The following PRIM2 variants were observed in gnomAD, a reference collection of about 807,000 sequenced individuals.
PRIM2 encodes DNA primase subunit 2.
A neutral mutation model predicts 67.3 loss-of-function variants in PRIM2; 39 were observed. That is an observed-to-expected ratio of 0.58 (90% CI 0.45 to 0.76). The LOEUF is 0.76. PRIM2 is among the 30% of genes least tolerant of loss of function. The pLI is 0.00. For missense variants in PRIM2, 398 were observed against 598.7 expected (o/e 0.66, Z 3.50); for synonymous variants, 143 against 198.7 (o/e 0.72, Z 2.36).
the PRIM2 span, among the ~76,000 whole-genome samples, chr6:57,282,554 C>T: frequency 5.9e-5 from 9 of 152,156 alleles, no homozygotes; most frequent in Non-Finnish European, 1.3e-4. Context: ...ATGTTGAATT[C>T]CTAACTCCCA....
chr6:57,395,298 T>C (rs1385938141), intron 7 of PRIM2, among the ~76,000 whole-genome samples: 1 of 152,204 alleles, frequency 6.6e-6, no homozygotes, highest in Non-Finnish European at 1.5e-5. Context: ...TCCTGGACTT[T>C]TTGTTGTTGG....
chr6:57,633,715 G>A (rs1413118593), intron 13 of PRIM2, among the ~76,000 whole-genome samples: 14 of 152,212 alleles, frequency 9.2e-5, no homozygotes, highest in African/African-American at 2.2e-4. Flanking sequence ...CGAGAAGCAC[G>A]CAACCTAGAT....
At chr6:57,331,153 A>C (rs1768045398) in intron 5 of PRIM2, among the ~76,000 whole-genome samples, 1 of 150,740 alleles carries the variant, frequency 6.6e-6, no homozygotes, top group Non-Finnish European at 1.5e-5. Context: ...GTACCACTGC[A>C]CTCCAGCTTG....
intron 10 of PRIM2, among the ~76,000 whole-genome samples, chr6:57,539,566 T>TTGTGTGTG (rs1175516387): frequency 2.0e-5 from 3 of 147,460 alleles, no homozygotes; most frequent in Non-Finnish European, 4.5e-5. Context: ...ATTATATTCT[T>TTGTGTGTG]TGTGTGTGTG....
At chr6:57,266,770 CT>C in the PRIM2 span, among the ~76,000 whole-genome samples, 1 of 152,148 alleles carries the variant, frequency 6.6e-6, no homozygotes, top group Non-Finnish European at 1.5e-5. Context: ...TAGTTCAAAG[CT>C]TTCTCTTTAA....
intron 12 of PRIM2, among the ~76,000 whole-genome samples, chr6:57,619,269 G>T (rs1776809296): frequency 6.6e-6 from 1 of 152,108 alleles, no homozygotes; most frequent in African/African-American, 2.4e-5. Context: ...CTGAACAACA[G>T]CATTCAGCCC....
At chr6:57,399,509 A>G (rs1030667160) in intron 7 of PRIM2, among the ~76,000 whole-genome samples, 2 of 152,162 alleles carry the variant, frequency 1.3e-5, no homozygotes, top group African/African-American at 2.4e-5. Context: ...ACACGTGTGC[A>G]TATGTCTTTA....
chr6:57,402,038 G>T (rs573897676), intron 7 of PRIM2, among the ~76,000 whole-genome samples: 1 of 152,318 alleles, frequency 6.6e-6, no homozygotes, highest in South Asian at 2.1e-4. Context: ...CTGGCAGGGG[G>T]TGGCTGGAGG....
chr6:57,353,139 C>CAA (rs57281233), intron 5 of PRIM2, among the ~76,000 whole-genome samples: 586 of 58,422 alleles, frequency 0.01, 5 homozygotes, highest in African/African-American at 0.025. Flanking sequence ...GGTGAAATCC[C>CAA]AAAAAAAAAA....
chr6:57,493,401 G>GT (rs1472556815), intron 7 of PRIM2, among the ~76,000 whole-genome samples: 1 of 152,202 alleles, frequency 6.6e-6, no homozygotes, highest in Non-Finnish European at 1.5e-5. Context: ...GCAAATACAT[G>GT]TGTTTTTTGG....
At chr6:57,383,438 C>T (rs1461089504) in intron 7 of PRIM2, 6 of 152,128 alleles carry the variant, frequency 3.9e-5, no homozygotes, top group Admixed American at 1.3e-4. Flanking sequence ...CAGAAAACTT[C>T]TGGCATGTTA....
intron 13 of PRIM2, among the ~76,000 whole-genome samples, chr6:57,635,336 C>T (rs1269868859): frequency 6.6e-6 from 1 of 152,182 alleles, no homozygotes; most frequent in Admixed American, 6.5e-5. Flanking sequence ...GCAGAATGTG[C>T]TGATTCCAAG....
At chr6:57,441,240 G>A (rs534833313) in intron 7 of PRIM2, among the ~76,000 whole-genome samples, 69 of 152,290 alleles carry the variant, frequency 4.5e-4, no homozygotes, top group African/African-American at 1.7e-3. Context: ...AGCTGCCAGA[G>A]CTGTAGCTCT....
At chr6:57,621,909 T>C (rs1438952033) in intron 12 of PRIM2, among the ~76,000 whole-genome samples, 2 of 152,182 alleles carry the variant, frequency 1.3e-5, no homozygotes, top group African/African-American at 4.8e-5. Flanking sequence ...TATCTGGGAA[T>C]GTCTTACTTT....
At chr6:57,610,065 C>T (rs1426368990) in intron 12 of PRIM2, among the ~76,000 whole-genome samples, 7 of 152,090 alleles carry the variant, frequency 4.6e-5, no homozygotes, top group East Asian at 3.9e-4. Context: ...TATAGGAAAT[C>T]GATGTTTTTT....
At chr6:57,411,355 C>T (rs1340650714) in intron 7 of PRIM2, among the ~76,000 whole-genome samples, 1 of 152,126 alleles carries the variant, frequency 6.6e-6, no homozygotes, top group Non-Finnish European at 1.5e-5. Flanking sequence ...CTTTGGGAGG[C>T]TGAGGTAGGT....
chr6:57,584,901 A>G (rs1384981904), intron 10 of PRIM2, among the ~76,000 whole-genome samples: 10,528 of 152,282 alleles, frequency 0.069, 528 homozygotes, highest in East Asian at 0.21. Context: ...AGTAGGTGGC[A>G]GAGTTAGAAC....
chr6:57,370,693 CTT>C (rs66953171), intron 5 of PRIM2, among the ~76,000 whole-genome samples: 20 of 121,922 alleles, frequency 1.6e-4, no homozygotes, highest in African/African-American at 3.0e-4. Context: ...CTATCTATAG[CTT>C]TTTTTTTTTT....
At position 57,480,864 on chromosome 6, in the gene PRIM2, G is replaced by T. The variant is rs1202696160; in HGVS notation, c.694-26523G>T. On this transcript the variant is annotated intron_variant, in intron 7 of 13. Coordinates refer to ENST00000615550, the MANE Select transcript of PRIM2 (RefSeq NM_000947.5). The stretch of plus-strand genomic sequence containing the variant: ...GACGGTCTCCATTTCCTGACCTTGT[G>T]ATCTGCCTGGCTCTGCCTCCCGAAG... Among the ~76,000 whole-genome samples the T allele has an allele frequency of 8.5e-5, 13 of 152,286 alleles. No homozygotes were observed. In the East Asian group the frequency reaches 2.5e-3, roughly 29 times the overall value.
Sources: gnomAD v4.1 joint callset for allele counts (sites outside exome capture counted in the v4.1 genomes callset) on GRCh38, gnomAD v4.1.1 for gene constraint, MANE v1.5 for transcripts, NCBI Gene and HGNC (gene_info 2026-07-23, HGNC 2026-07-21) for gene names.